FBXO15: variants seen among roughly 807,000 people sequenced by gnomAD.
FBXO15 encodes the protein F-box protein 15.
FBXO15 carries 30 observed loss-of-function variants against 49.5 expected under a neutral mutation model. The observed-to-expected ratio is 0.61, with a 90% confidence interval of 0.45 to 0.82. FBXO15 has a LOEUF of 0.82. FBXO15 is among the 40% of genes least tolerant of loss of function. FBXO15 has a pLI of 0.00. For missense variants in FBXO15, 591 were observed against 631.5 expected (o/e 0.94, Z 0.69); for synonymous variants, 250 against 232.7 (o/e 1.07, Z -0.68).
intron 8 of FBXO15, among the ~76,000 whole-genome samples, chr18:74,084,393 G>A (rs187081816): frequency 4.9e-4 from 74 of 152,344 alleles, no homozygotes; most frequent in African/African-American, 1.5e-3. Context: ...GGAAGAGAAC[G>A]GGAAGAGCCA....
intron 8 of FBXO15, among the ~76,000 whole-genome samples, chr18:74,107,475 G>C (rs1003448258): frequency 6.6e-6 from 1 of 152,166 alleles, no homozygotes; most frequent in Non-Finnish European, 1.5e-5. Flanking sequence ...AGTCTTGTTA[G>C]ATCTATAAGA....
At chr18:74,098,646 T>C (rs929347788) in intron 8 of FBXO15, 2 of 152,156 alleles carry the variant, frequency 1.3e-5, no homozygotes, top group African/African-American at 4.8e-5. Flanking sequence ...TAAGAATAAT[T>C]GGCATTCCTG....
At position 74,147,823 on chromosome 18, in the gene FBXO15, G is replaced by T. The variant is rs1195873036; in HGVS notation, c.-38C>A. The T allele has an allele frequency of 1.4e-6, 2 of 1,475,762 alleles. No individual in the cohort carries two copies. The highest frequency in any genetic ancestry group is 1.8e-6 in the Non-Finnish European group (2 of 1,113,060). The allele number at this position is 1,475,762 out of a possible 1,614,324, so 91.4% of individuals were successfully genotyped here. A position where few individuals can be genotyped will look rare whatever the true frequency, so the allele number is the denominator to read the frequency against. On this transcript the variant is annotated 5_prime_UTR_variant, in exon 1 of 10. Coordinates refer to ENST00000419743, the MANE Select transcript of FBXO15 (RefSeq NM_001142958.2). ...TTCACCACAGGACCGCGCCAGGGCT[G>T]AAACGAAGAGTGCACGCACCGCCCC... is the stretch of plus-strand genomic sequence containing the variant.
chr18:74,138,007 C>T (rs1200475078), intron 2 of FBXO15, among the ~76,000 whole-genome samples: 2 of 152,064 alleles, frequency 1.3e-5, no homozygotes, highest in Admixed American at 6.5e-5. Flanking sequence ...CTCTAGGTCC[C>T]CACGGTTTCT....
chr18:74,135,711 C>T, intron 3 of FBXO15, 51 bp downstream of exon 3: 2 of 1,427,712 alleles, frequency 1.4e-6, no homozygotes, highest in South Asian at 2.5e-5. Context: ...GTTTTCCTGA[C>T]TTCCATCAAA....
chr18:74,129,650 C>A, intron 4 of FBXO15, 36 bp from the exon 5 acceptor site: 11 of 1,507,464 alleles, frequency 7.3e-6, no homozygotes, highest in Admixed American at 6.0e-5. Flanking sequence ...ATGTTTGCCT[C>A]ATTGAAAAAA....
chr18:74,114,412 A>G (rs1339444135), intron 8 of FBXO15, among the ~76,000 whole-genome samples: 1 of 152,214 alleles, frequency 6.6e-6, no homozygotes, highest in Non-Finnish European at 1.5e-5. Flanking sequence ...TTTCACTGTC[A>G]TAAATCTTAA....
chr18:74,110,947 G>A (rs764272941), intron 8 of FBXO15, among the ~76,000 whole-genome samples: 83 of 152,198 alleles, frequency 5.5e-4, no homozygotes, highest in Admixed American at 9.2e-4. Flanking sequence ...AAATAAACTA[G>A]TCCACTATTA....
At chr18:74,135,279 C>T (rs975094711) in intron 3 of FBXO15, among the ~76,000 whole-genome samples, 11 of 152,158 alleles carry the variant, frequency 7.2e-5, no homozygotes, top group African/African-American at 2.7e-4. Context: ...GCTCTCCCCA[C>T]AGAGTAAGTT....
chr18:74,122,236 G>T (rs1427999307), intron 8 of FBXO15, among the ~76,000 whole-genome samples: 1 of 152,166 alleles, frequency 6.6e-6, no homozygotes, highest in Non-Finnish European at 1.5e-5. Flanking sequence ...ACAGATTTGA[G>T]CTGGACTCCT....
intron 8 of FBXO15, among the ~76,000 whole-genome samples, chr18:74,106,376 A>C (rs1396427060): frequency 1.3e-5 from 2 of 152,218 alleles, no homozygotes; most frequent in Non-Finnish European, 2.9e-5. Flanking sequence ...AAATGGGAAA[A>C]GATTTTCAAC....
chr18:74,117,232 AAAT>A (rs1914270218), intron 8 of FBXO15, among the ~76,000 whole-genome samples: 1 of 152,176 alleles, frequency 6.6e-6, no homozygotes, highest in Non-Finnish European at 1.5e-5. Flanking sequence ...TCCACCTTGG[AAAT>A]CCTACTTTGT....
chr18:74,125,300 G>A (rs948028344), intron 6 of FBXO15, among the ~76,000 whole-genome samples: 4 of 152,206 alleles, frequency 2.6e-5, no homozygotes, highest in Non-Finnish European at 4.4e-5. Context: ...AGAAAGGGGA[G>A]GAGGGAAAGA....
chr18:74,093,271 G>T (rs925650224), intron 8 of FBXO15, among the ~76,000 whole-genome samples: 1 of 150,438 alleles, frequency 6.6e-6, no homozygotes, highest in Non-Finnish European at 1.5e-5. Context: ...AATGGGGGGG[G>T]GGTGGCTGCA....
At chr18:74,096,626 C>T (rs1193369081) in intron 8 of FBXO15, among the ~76,000 whole-genome samples, 4 of 150,710 alleles carry the variant, frequency 2.7e-5, no homozygotes, top group Non-Finnish European at 5.9e-5. Flanking sequence ...GAACAGGGAG[C>T]CATAATCTCC....
At chr18:74,085,323 A>G (rs9948799) in intron 8 of FBXO15, among the ~76,000 whole-genome samples, 40,033 of 144,128 alleles carry the variant, frequency 0.28, 7,759 homozygotes, top group African/African-American at 0.55. Flanking sequence ...GGCTGGGTGC[A>G]GTGGCTCACA....
intron 8 of FBXO15, among the ~76,000 whole-genome samples, chr18:74,101,236 G>A (rs1363478265): frequency 6.6e-6 from 1 of 152,156 alleles, no homozygotes; most frequent in Middle Eastern, 3.2e-3. Flanking sequence ...TACCAGGGAT[G>A]CAAGGATGGT....
rs1229195515 is a variant in FBXO15 at position 74,145,352 on chromosome 18, A to C, written c.116+2318T>G. Among the ~76,000 whole-genome samples the C allele has an allele frequency of 5.3e-5, 8 of 152,222 alleles. No homozygotes were observed. The East Asian group carries it at 1.5e-3, about 29-fold the overall frequency. On this transcript the variant is annotated intron_variant, in intron 1 of 9. Transcript: ENST00000419743. The stretch of plus-strand genomic sequence containing the variant: ...ATTTCTTGCTGTTTTGTTTTTTCAC[A>C]ATTAAAATGGATCTCATAGAGTCCC...
intron 8 of FBXO15, among the ~76,000 whole-genome samples, chr18:74,116,001 G>A (rs1049701043): frequency 2.6e-5 from 4 of 152,152 alleles, no homozygotes; most frequent in African/African-American, 4.8e-5. Context: ...TTAAGACCTG[G>A]ATGGTGATCA....
Sources: gnomAD v4.1 joint callset for allele counts (sites outside exome capture counted in the v4.1 genomes callset) on GRCh38, gnomAD v4.1.1 for gene constraint, MANE v1.5 for transcripts, NCBI Gene and HGNC (gene_info 2026-07-23, HGNC 2026-07-21) for gene names.